FHOD3: variants seen among roughly 807,000 people sequenced by gnomAD.
The protein encoded by FHOD3 is formin homology 2 domain containing 3, also known as FH1/FH2 domain-containing protein 3.
In FHOD3, 90 loss-of-function variants were observed where a neutral mutation model predicts 173.0. The observed-to-expected ratio is 0.52, with a 90% CI of 0.44 to 0.62. The LOEUF is 0.62. Ranked by LOEUF, FHOD3 falls within the 20% of genes least tolerant of loss-of-function variation. The pLI is 0.00. For synonymous variants in FHOD3, 828 were observed against 823.0 expected, an observed-to-expected ratio of 1.01 and a Z score of -0.10; for missense variants, 1,945 against 2,034.7, an observed-to-expected ratio of 0.96 and a Z score of 0.85.
chr18:36,406,097 T>TTG lies in FHOD3; in HGVS notation c.337+33354_337+33355insGT, dbSNP rs2049049527. Among the ~76,000 whole-genome samples the TTG allele has an allele frequency of 4.6e-5, 7 of 151,140 alleles. 1 individual carries two copies. Among genetic ancestry groups the TTG allele is most frequent in the South Asian group, 2.1e-4 (1 of 4,786 alleles). On this transcript the variant is annotated intron_variant, in intron 3 of 28. Coordinates refer to ENST00000590592, the MANE Select transcript of FHOD3 (RefSeq NM_001281740.3). ...GCCTGTTTTTTGTTTTTGTTTTTGT[T>TTG]TTTTTGTTTTTGTTTTTGTTTTTTT...
chr18:36,379,585 A>G (rs1421032037), intron 3 of FHOD3, among the ~76,000 whole-genome samples: 1 of 152,232 alleles, frequency 6.6e-6, no homozygotes, highest in Non-Finnish European at 1.5e-5. Context: ...ATGAAGTCCC[A>G]TTGATAGGGA....
chr18:36,329,765 C>G (rs2044887564), intron 1 of FHOD3, among the ~76,000 whole-genome samples: 1 of 152,104 alleles, frequency 6.6e-6, no homozygotes, highest in South Asian at 2.1e-4. Flanking sequence ...CTTGAGGATG[C>G]CTGCATGGAC....
chr18:36,418,184 A>G (rs2049775960), intron 3 of FHOD3, among the ~76,000 whole-genome samples: 1 of 152,190 alleles, frequency 6.6e-6, no homozygotes, highest in African/African-American at 2.4e-5. Flanking sequence ...GCTTCAATCC[A>G]TTTAGACAAA....
At chr18:36,370,328 CT>C (rs769012749) in intron 2 of FHOD3, among the ~76,000 whole-genome samples, 127 of 149,684 alleles carry the variant, frequency 8.5e-4, no homozygotes, top group East Asian at 2.5e-3. Flanking sequence ...AAAAATAGGA[CT>C]TTTTTTTTTC....
rs764259858 is a variant in FHOD3 at position 36,378,596 on chromosome 18, CAAAAA to C, written c.337+5867_337+5871del. Among the ~76,000 whole-genome samples, 502 of 111,334 alleles carry C rather than the reference CAAAAA, an allele frequency of 4.5e-3. 3 individuals are homozygous for C. The highest frequency in any genetic ancestry group is 0.014 in the African/African-American group (397 of 28,970). The allele number at this position is 111,334 out of a possible 152,430, so 73.0% of individuals were successfully genotyped here. ...CTGTCCCCCCTGGACCCCTCTGCCA[CAAAAA>C]AAAAAAAAAAAAAAGAGAGATGGGA... On this transcript the variant is annotated intron_variant, in intron 3 of 28. Coordinates refer to ENST00000590592, the MANE Select transcript of FHOD3 (RefSeq NM_001281740.3).
At chr18:36,536,013 T>C (rs926195285) in intron 5 of FHOD3, among the ~76,000 whole-genome samples, 1 of 152,228 alleles carries the variant, frequency 6.6e-6, no homozygotes, top group African/African-American at 2.4e-5. Context: ...GATTTACCAA[T>C]GATATGAATG....
At chr18:36,363,559 G>A (rs1218967542) in intron 2 of FHOD3, among the ~76,000 whole-genome samples, 12 of 152,186 alleles carry the variant, frequency 7.9e-5, no homozygotes, top group African/African-American at 2.9e-4. Context: ...TACATACTGT[G>A]AGTCCAAATT....
At chr18:36,401,081 A>G (rs1325691245) in intron 3 of FHOD3, among the ~76,000 whole-genome samples, 6 of 152,122 alleles carry the variant, frequency 3.9e-5, no homozygotes, top group Non-Finnish European at 5.9e-5. Context: ...TTTGGCCAGC[A>G]TTTTGCAGGA....
chr18:36,559,203 G>A (rs2058002099), intron 5 of FHOD3, among the ~76,000 whole-genome samples: 1 of 152,074 alleles, frequency 6.6e-6, no homozygotes, highest in South Asian at 2.1e-4. Context: ...ATGTTGAAAA[G>A]CCCAAAAGAT....
intron 1 of FHOD3, among the ~76,000 whole-genome samples, chr18:36,308,494 A>T (rs1311307482): frequency 6.6e-6 from 1 of 152,180 alleles, no homozygotes; most frequent in Admixed American, 6.5e-5. Flanking sequence ...GGATTCAGAG[A>T]TGATTGTTAA....
At chr18:36,528,795 C>T (rs1021324972) in intron 5 of FHOD3, among the ~76,000 whole-genome samples, 2 of 152,326 alleles carry the variant, frequency 1.3e-5, no homozygotes, top group East Asian at 1.9e-4. Flanking sequence ...TGCTGAACGA[C>T]GTTCGTTGTA....
At chr18:36,771,312 G>A (rs574423627) in intron 28 of FHOD3, among the ~76,000 whole-genome samples, 6 of 152,304 alleles carry the variant, frequency 3.9e-5, no homozygotes, top group African/African-American at 7.2e-5. Flanking sequence ...GAAGGGGCGA[G>A]GCTAATCCAC....
chr18:36,625,907 C>T (rs1043874361), intron 10 of FHOD3, among the ~76,000 whole-genome samples, 158 bp downstream of exon 10: 3 of 152,242 alleles, frequency 2.0e-5, no homozygotes, highest in Middle Eastern at 3.4e-3. Context: ...CCAAACATCT[C>T]GGTGGATTTC....
At chr18:36,599,913 G>T (rs1376970998) in intron 7 of FHOD3, among the ~76,000 whole-genome samples, 1 of 150,270 alleles carries the variant, frequency 6.7e-6, no homozygotes, top group African/African-American at 2.5e-5. Context: ...TTGTGTGCTT[G>T]CAGTCATCAG....
chr18:36,618,311 G>GTTTTTTTT (rs34019893), intron 9 of FHOD3, among the ~76,000 whole-genome samples: 1 of 70,844 alleles, frequency 1.4e-5, no homozygotes. Flanking sequence ...TTTTTTGGTG[G>GTTTTTTTT]TTTTTTTTTT....
intron 7 of FHOD3, among the ~76,000 whole-genome samples, chr18:36,602,183 T>C (rs1305712612): frequency 2.0e-5 from 3 of 152,270 alleles, no homozygotes; most frequent in Non-Finnish European, 4.4e-5. Flanking sequence ...TGTGCCTTGA[T>C]GGAGTAGATG....
At chr18:36,592,455 T>G (rs2059254659) in intron 6 of FHOD3, among the ~76,000 whole-genome samples, 3 of 152,094 alleles carry the variant, frequency 2.0e-5, no homozygotes, top group Admixed American at 2.0e-4. Context: ...GCTTAGCATG[T>G]GAAGTGCACT....
At chr18:36,675,394 C>T (rs1600193209) in intron 14 of FHOD3, among the ~76,000 whole-genome samples, 1 of 151,970 alleles carries the variant, frequency 6.6e-6, no homozygotes, top group East Asian at 1.9e-4. Flanking sequence ...ATTTTATCCT[C>T]TCACACTTTG....
intron 5 of FHOD3, among the ~76,000 whole-genome samples, chr18:36,553,361 T>C (rs2057740761): frequency 6.6e-6 from 1 of 152,242 alleles, no homozygotes; most frequent in South Asian, 2.1e-4. Context: ...ATTCCCTCTT[T>C]TTCTGTTGAT....
Sources: gnomAD v4.1 joint callset for allele counts (sites outside exome capture counted in the v4.1 genomes callset) on GRCh38, gnomAD v4.1.1 for gene constraint, MANE v1.5 for transcripts, NCBI Gene and HGNC (gene_info 2026-07-23, HGNC 2026-07-21) for gene names.